Variants in KANSL1 observed in about 807,000 individuals in gnomAD.
The protein encoded by KANSL1 is MLL1/MLL complex subunit KANSL1.
KANSL1 carries 22 observed loss-of-function variants against 103.6 expected under a neutral mutation model. The ratio of observed to expected loss-of-function variants is 0.21; its 90% CI spans 0.15 to 0.30. The LOEUF (loss-of-function observed/expected upper bound fraction) is 0.30, where lower values mean the gene tolerates loss of function less well. KANSL1 is among the 10% of genes least tolerant of loss of function. The pLI, the probability that KANSL1 is intolerant of heterozygous loss-of-function variation, is 1.00. For synonymous variants in KANSL1, 600 were observed against 527.6 expected, an observed-to-expected ratio of 1.14 and a Z score of -1.88; for missense variants, 1,337 against 1,399.8, an observed-to-expected ratio of 0.96 and a Z score of 0.72.
rs558007607 is a variant in KANSL1, at chr17:46,156,308, C to G, written c.1289+14547G>C. On this transcript the variant is annotated intron_variant, in intron 2 of 14. Transcript: ENST00000432791. ...GTTGCAGTGAGCCGAGATGGCACCA[C>G]TGTACTCCAGCCTGGGCGACAGACC... 8.5e-5 allele frequency among the ~76,000 whole-genome samples: 13 copies of G among 152,316 alleles called. No homozygotes were observed. The South Asian group carries it at 1.7e-3, about 19-fold the overall frequency.
At chr17:46,198,674 G>A (rs557313688), upstream of KANSL1, among the ~76,000 whole-genome samples, 85 of 152,352 alleles carry the variant, frequency 5.6e-4, no homozygotes, top group African/African-American at 2.0e-3. Context: ...GGAGGATGCA[G>A]TGAGCCAAGA....
chr17:46,118,770 A>G (rs2043152045), intron 2 of KANSL1, among the ~76,000 whole-genome samples: 1 of 152,254 alleles, frequency 6.6e-6, no homozygotes, highest in African/African-American at 2.4e-5. Flanking sequence ...AGAAAAGCCG[A>G]CGGATAAACA....
rs947181405 is a variant in KANSL1, at chr17:46,030,630, T to TCCC, written c.*843_*845dup. 3 of 151,432 alleles carry TCCC rather than the reference T, an allele frequency of 2.0e-5. No individual in the cohort carries two copies. The highest frequency in any genetic ancestry group is 7.3e-5 in the African/African-American group (3 of 41,182). 9.4% of individuals were successfully genotyped at this position (151,432 alleles called of 1,614,324 possible). A position where few individuals can be genotyped will look rare whatever the true frequency, so the allele number is the denominator to read the frequency against. Reference sequence around the variant, plus strand: ...TCACACAGGGAGATGGCTGCTCACTTCCCACAACCCCCAGTTTGCAGGGGA... The same window carrying TCCC: ...TCACACAGGGAGATGGCTGCTCACTTCCCCCCACAACCCCCAGTTTGCAGGGGA... On this transcript the variant is annotated 3_prime_UTR_variant, in exon 15 of 15. Transcript: ENST00000432791.
At chr17:46,175,050 G>C (rs2532264) in intron 1 of KANSL1, among the ~76,000 whole-genome samples, 21,946 of 152,020 alleles carry the variant, frequency 0.14, 2,136 homozygotes, top group Non-Finnish European at 0.22. Flanking sequence ...TTAAAAAAGG[G>C]TCCTGAGACC....
At chr17:46,197,771 G>C (rs1031895990), upstream of KANSL1, among the ~76,000 whole-genome samples, 8 of 152,226 alleles carry the variant, frequency 5.3e-5, no homozygotes, top group African/African-American at 1.9e-4. Context: ...GCCCTTGCAG[G>C]CAGGAACTGT....
intron 13 of KANSL1, among the ~76,000 whole-genome samples, chr17:46,032,796 G>A (rs1039675318): frequency 2.0e-5 from 3 of 152,256 alleles, no homozygotes; most frequent in South Asian, 2.1e-4. Context: ...GAATCACCAT[G>A]ACCCCCCAAC....
chr17:46,196,871 C>A, upstream of KANSL1: 1 of 170,600 alleles, frequency 5.9e-6, no homozygotes, highest in Non-Finnish European at 1.2e-5. Context: ...CTTTGAGAGG[C>A]CAATGTGAGA....
intron 1 of KANSL1, among the ~76,000 whole-genome samples, chr17:46,208,147 T>C (rs1171725316): frequency 2.0e-5 from 3 of 152,146 alleles, no homozygotes; most frequent in African/African-American, 7.2e-5. Flanking sequence ...ACAAAAATCT[T>C]GTTAAAGATA....
chr17:46,130,946 G>T (rs6503457), intron 2 of KANSL1, among the ~76,000 whole-genome samples: 34,364 of 151,804 alleles, frequency 0.23, 4,456 homozygotes, highest in African/African-American at 0.32. Context: ...AGCACAAGAG[G>T]AAAGCAAAAC....
chr17:46,103,631 C>T (rs62061812), intron 2 of KANSL1, among the ~76,000 whole-genome samples: 21,677 of 152,008 alleles, frequency 0.14, 2,125 homozygotes, highest in Non-Finnish European at 0.22. Context: ...TCCTCACAAT[C>T]TGTGGAAGAG....
intron 1 of KANSL1, among the ~76,000 whole-genome samples, chr17:46,177,164 G>C (rs1426751703): frequency 6.6e-6 from 1 of 152,184 alleles, no homozygotes; most frequent in Non-Finnish European, 1.5e-5. Flanking sequence ...TCATCTACAA[G>C]TAACAGAGCC....
chr17:46,041,878 T>TTGTGTGTGTGTGTGTGTGTGTGTG (rs146582763), intron 7 of KANSL1: 28 of 122,714 alleles, frequency 2.3e-4, no homozygotes, highest in Middle Eastern at 4.3e-3. Context: ...GAAATTTATT[T>TTGTGTGTGTGTGTGTGTGTGTGTG]TGTGTGTGTG....
intron 6 of KANSL1, among the ~76,000 whole-genome samples, chr17:46,061,786 T>C (rs1022641060): frequency 6.6e-6 from 1 of 152,080 alleles, no homozygotes; most frequent in African/African-American, 2.4e-5. Context: ...TGCCAATCCA[T>C]CCCAAACATA....
chr17:46,207,600 T>C (rs1296195934), intron 1 of KANSL1, among the ~76,000 whole-genome samples: 1 of 152,014 alleles, frequency 6.6e-6, no homozygotes, highest in Admixed American at 6.6e-5. Context: ...AACAATAGTG[T>C]ATAAAAATAA....
At chr17:46,156,059 G>A (rs1399306572) in intron 2 of KANSL1, among the ~76,000 whole-genome samples, 1 of 152,082 alleles carries the variant, frequency 6.6e-6, no homozygotes, top group Non-Finnish European at 1.5e-5. Context: ...TTAAAAATAT[G>A]CAGATAGGCG....
At chr17:46,125,101 AGAGG>A (rs749562466) in intron 2 of KANSL1, among the ~76,000 whole-genome samples, 2 of 19,030 alleles carry the variant, frequency 1.1e-4, no homozygotes, top group South Asian at 2.1e-3. Context: ...AGGGAGGGAG[AGAGG>A]GAGGGAGGGA....
At chr17:46,127,104 A>G (rs1405750583) in intron 2 of KANSL1, among the ~76,000 whole-genome samples, 1 of 152,230 alleles carries the variant, frequency 6.6e-6, no homozygotes, top group Non-Finnish European at 1.5e-5. Context: ...ATATTTAAAT[A>G]AATGTCCTTT....
At chr17:46,139,746 G>T (rs2532314) in intron 2 of KANSL1, among the ~76,000 whole-genome samples, 21,932 of 151,896 alleles carry the variant, frequency 0.14, 2,137 homozygotes, top group Non-Finnish European at 0.22. Flanking sequence ...GTTAGTTTCC[G>T]TCCCTCTCCT....
chr17:46,183,790 G>T (rs1200929389), intron 1 of KANSL1, among the ~76,000 whole-genome samples: 1 of 152,104 alleles, frequency 6.6e-6, no homozygotes, highest in Non-Finnish European at 1.5e-5. Context: ...GTCTTTGCCT[G>T]TAATCCCAGC....
Sources: allele counts gnomAD v4.1 joint callset (sites outside exome capture counted in the v4.1 genomes callset), GRCh38; gene constraint gnomAD v4.1.1; transcripts MANE v1.5; gene names NCBI Gene and HGNC (gene_info 2026-07-23, HGNC 2026-07-21).